EMC2: variants seen among roughly 807,000 people sequenced by gnomAD.
The protein encoded by EMC2 is TPR repeat protein 35.
EMC2 carries 37 observed loss-of-function variants against 51.6 expected under a neutral mutation model. That is an observed-to-expected ratio of 0.72 (90% CI 0.55 to 0.94). The LOEUF (loss-of-function observed/expected upper bound fraction) is 0.94, where lower values mean the gene tolerates loss of function less well. Among genes scored for constraint, EMC2 ranks in the 40% least tolerant of loss-of-function variants. The pLI is 0.00. For missense variants in EMC2, 359 were observed against 350.9 expected (o/e 1.02, Z -0.18); for synonymous variants, 131 against 112.4 (o/e 1.17, Z -1.04).
chr8:108,469,079 TC>T (rs757971153), intron 5 of EMC2, among the ~76,000 whole-genome samples: 12 of 152,204 alleles, frequency 7.9e-5, no homozygotes, highest in Non-Finnish European at 1.2e-4. Flanking sequence ...ACCCTAGATA[TC>T]CCTGTCATTG....
Position 108,470,151 on chromosome 8 carries a change from G to A in EMC2, c.509+30G>A, listed in dbSNP as rs753064769. On this transcript the variant is annotated intron_variant, in intron 7 of 10. Transcript: ENST00000220853. ...GTTATTAAACACACAACATTTTGTT[G>A]AGTGCAGTTTTCATCACTGTAAGTT... The A allele has an allele frequency of 5.3e-6, 8 of 1,521,824 alleles. No homozygotes were observed. The Admixed American group carries it at 1.2e-4, about 22-fold the overall frequency. The allele number at this position is 1,521,824 out of a possible 1,614,324, so 94.3% of individuals were successfully genotyped here.
intron 1 of EMC2, among the ~76,000 whole-genome samples, chr8:108,444,988 A>G (rs1237803631): frequency 2.0e-5 from 3 of 152,226 alleles, no homozygotes; most frequent in Non-Finnish European, 4.4e-5. Context: ...AAAATGTTTT[A>G]AATATTACAT....
At position 108,449,806 on chromosome 8, in the gene EMC2, CAT is replaced by C. The variant is rs781570477; in HGVS notation, c.41-16_41-15del. 24 of 1,168,020 alleles carry C rather than the reference CAT, an allele frequency of 2.1e-5. No homozygotes were observed. In the Admixed American group the frequency reaches 2.6e-4, roughly 13 times the overall value. The allele number at this position is 1,168,020 out of a possible 1,614,324, so 72.4% of individuals were successfully genotyped here. On this transcript the variant is annotated splice_polypyrimidine_tract_variant and intron_variant, in intron 1 of 10. Coordinates refer to ENST00000220853, the MANE Select transcript of EMC2 (RefSeq NM_014673.5). ...TCTGGGTACATATACACTTAAATGT[CAT>C]GTTATTTTTTTCAGAAATGAGAGAT...
At chr8:108,459,721 A>AGAGAGAGAGAGAGAGTGTGT (rs763020311) in intron 5 of EMC2, among the ~76,000 whole-genome samples, 3 of 136,878 alleles carry the variant, frequency 2.2e-5, no homozygotes, top group African/African-American at 5.9e-5. Flanking sequence ...AGAGAGAGAG[A>AGAGAGAGAGAGAGAGTGTGT]GTGTGTGTGT....
chr8:108,467,023 A>G (rs1432417363), intron 5 of EMC2, among the ~76,000 whole-genome samples: 3 of 152,130 alleles, frequency 2.0e-5, no homozygotes, highest in Non-Finnish European at 4.4e-5. Context: ...CAGGATTTGC[A>G]ATGTAAGTCT....
chr8:108,469,754 A>G (rs1182815311), intron 5 of EMC2, 72 bp from the exon 6 acceptor site: 14 of 1,247,122 alleles, frequency 1.1e-5, no homozygotes, highest in African/African-American at 1.5e-5. Flanking sequence ...TAATTTGCAC[A>G]GTCAAATTAC....
At chr8:108,478,098 A>G (rs1261264835) in intron 9 of EMC2, among the ~76,000 whole-genome samples, 2 of 152,076 alleles carry the variant, frequency 1.3e-5, no homozygotes, top group Non-Finnish European at 2.9e-5. Flanking sequence ...ATTTGGGGAT[A>G]TAGATTCTTC....
intron 5 of EMC2, among the ~76,000 whole-genome samples, chr8:108,465,867 AT>A (rs535997517): frequency 6.2e-4 from 95 of 152,334 alleles, no homozygotes; most frequent in African/African-American, 2.2e-3. Context: ...AACAACTTAT[AT>A]GGTCATCCAG....
rs115946462 is a variant in EMC2 at position 108,472,773 on chromosome 8, G to A, written c.509+2652G>A. Among the ~76,000 whole-genome samples, 236 of 152,008 alleles carry A rather than the reference G, an allele frequency of 1.6e-3. 1 individual carries two copies. Among genetic ancestry groups the A allele is most frequent in the African/African-American group, 5.3e-3 (221 of 41,490 alleles). ...ACAGTGGCAAAAACGTAGCAGTTTC[G>A]AAAATGTCAGATATATTTAACATTC... On this transcript the variant is annotated intron_variant, in intron 7 of 10. Transcript: ENST00000220853.
intron 5 of EMC2, among the ~76,000 whole-genome samples, chr8:108,458,872 C>CTGCAA (rs1819234363): frequency 1.3e-5 from 2 of 152,206 alleles, no homozygotes; most frequent in Non-Finnish European, 2.9e-5. Flanking sequence ...TTTTCTATTG[C>CTGCAA]ATTGTCAGGC....
intron 10 of EMC2, among the ~76,000 whole-genome samples, chr8:108,485,248 A>G (rs945855290): frequency 6.6e-6 from 1 of 151,506 alleles, no homozygotes; most frequent in African/African-American, 2.4e-5. Flanking sequence ...CAAGAAACAC[A>G]TCATAAATCA....
At chr8:108,443,764 C>T in intron 1 of EMC2, 66 bp downstream of exon 1, 1 of 1,421,170 alleles carries the variant, frequency 7.0e-7, no homozygotes, top group South Asian at 1.2e-5. Flanking sequence ...GGAGTACCCG[C>T]TGCTTTCGGG....
Position 108,450,489 on chromosome 8 carries a change from A to G in EMC2, c.216A>G (p.Ala72=). The G allele has an allele frequency of 6.5e-7, 1 of 1,546,010 alleles. No homozygotes were observed. The highest frequency in any genetic ancestry group is 8.9e-7 in the Non-Finnish European group (1 of 1,118,240). The part of the protein sequence containing the change: ...AALDYGRDDL[A]LFCLQELRRQ... ...TAGACTATGGTCGGGATGACTTGGCATTGGTAGGTATTTAAATGAAGTATA... is the reference window on the plus strand; with the variant it reads ...TAGACTATGGTCGGGATGACTTGGCGTTGGTAGGTATTTAAATGAAGTATA... The change falls in exon 3 of 11, where the codon GCA becomes GCG. Residue 72 remains alanine, a synonymous_variant. Coordinates refer to ENST00000220853, the MANE Select transcript of EMC2 (RefSeq NM_014673.5).
chr8:108,465,171 A>AG (rs1179040516), intron 5 of EMC2, among the ~76,000 whole-genome samples: 3 of 152,224 alleles, frequency 2.0e-5, no homozygotes, highest in African/African-American at 7.2e-5. Context: ...AGTTGGATGA[A>AG]GATTTATTCA....
chr8:108,470,150 T>G, intron 7 of EMC2, 29 bp downstream of exon 7: 2 of 1,522,284 alleles, frequency 1.3e-6, no homozygotes, highest in Non-Finnish European at 1.8e-6. Flanking sequence ...AACATTTTGT[T>G]GAGTGCAGTT....
In EMC2 at chr8:108,486,598, A is replaced by G; in HGVS notation, c.894A>G (p.Ter298=). 1 of 1,596,404 alleles carries G rather than the reference A, an allele frequency of 6.3e-7. No homozygotes were observed. Among genetic ancestry groups the G allele is most frequent in the South Asian group, 1.2e-5 (1 of 86,586 alleles). ...AAACATTGCAGATCACCCAGTCTTA[A>G]GGTTTCAAAAACTCTTTGACATTAG... ...MLETLQITQS[*] The change falls in exon 11 of 11, where the codon TAA becomes TAG. Residue 298 remains the stop codon, a stop_retained_variant. Transcript: ENST00000220853.
In EMC2 at chr8:108,453,162, T is replaced by C. The variant is rs374638760; in HGVS notation, c.305+15T>C. 95 of 1,523,796 alleles carry C rather than the reference T, an allele frequency of 6.2e-5. No homozygotes were observed. In the African/African-American group the frequency reaches 1.1e-3, roughly 17 times the overall value. 94.4% of individuals were successfully genotyped at this position (1,523,796 alleles called of 1,614,324 possible). A position where few individuals can be genotyped will look rare whatever the true frequency, so the allele number is the denominator to read the frequency against. On this transcript the variant is annotated intron_variant, in intron 4 of 10. Coordinates refer to ENST00000220853, the MANE Select transcript of EMC2 (RefSeq NM_014673.5). ...GCCATGGAAAGGTAACCAAATCTTATCAGCTGGCAGGCATGGAGCCTGTTA... is the reference window on the plus strand; with the variant it reads ...GCCATGGAAAGGTAACCAAATCTTACCAGCTGGCAGGCATGGAGCCTGTTA...
intron 1 of EMC2, 59 bp downstream of exon 1, chr8:108,443,757 G>C: frequency 1.4e-6 from 2 of 1,468,826 alleles, no homozygotes; most frequent in Non-Finnish European, 9.4e-7. Flanking sequence ...CCGTTCGGGA[G>C]TACCCGCTGC....
At chr8:108,463,762 T>C (rs1218937823) in intron 5 of EMC2, among the ~76,000 whole-genome samples, 1 of 152,110 alleles carries the variant, frequency 6.6e-6, no homozygotes, top group African/African-American at 2.4e-5. Flanking sequence ...CCACTCTATC[T>C]TCAGAACAGT....
Sources: gnomAD v4.1 joint callset for allele counts (sites outside exome capture counted in the v4.1 genomes callset) on GRCh38, gnomAD v4.1.1 for gene constraint, MANE v1.5 for transcripts, NCBI Gene and HGNC (gene_info 2026-07-23, HGNC 2026-07-21) for gene names.